The following CAPZB variants were observed in gnomAD, a reference collection of about 807,000 sequenced individuals.
CAPZB encodes F-actin-capping protein subunit beta.
In CAPZB, 2 loss-of-function variants were observed where a neutral mutation model predicts 38.1. That is an observed-to-expected ratio of 0.05 (90% CI 0.02 to 0.17). CAPZB has a LOEUF of 0.17. Ranked by LOEUF, CAPZB falls within the 10% of genes least tolerant of loss-of-function variation. The pLI is 1.00. For missense variants in CAPZB, 161 were observed against 334.2 expected (o/e 0.48, Z 4.04); for synonymous variants, 107 against 127.4 (o/e 0.84, Z 1.08).
At chr1:19,413,933 T>G (rs2094368197) in intron 2 of CAPZB, among the ~76,000 whole-genome samples, 1 of 152,196 alleles carries the variant, frequency 6.6e-6, no homozygotes, top group Non-Finnish European at 1.5e-5. Context: ...CTTTGACTAT[T>G]AAAGACTGAA....
At chr1:19,380,370 G>A (rs2094167598) in intron 3 of CAPZB, among the ~76,000 whole-genome samples, 1 of 152,214 alleles carries the variant, frequency 6.6e-6, no homozygotes, top group Non-Finnish European at 1.5e-5. Context: ...AGAATGGGGT[G>A]AGACACCCCC....
chr1:19,401,389 G>A (rs913289724), intron 2 of CAPZB, among the ~76,000 whole-genome samples: 5 of 152,170 alleles, frequency 3.3e-5, no homozygotes, highest in African/African-American at 1.2e-4. Flanking sequence ...AAAGCCCAGG[G>A]AGCATCAGCA....
chr1:19,483,888 G>GT (rs2094640101), intron 1 of CAPZB, among the ~76,000 whole-genome samples: 1 of 152,156 alleles, frequency 6.6e-6, no homozygotes, highest in African/African-American at 2.4e-5. Context: ...ACTCACCCTC[G>GT]TTCAGCAGCA....
chr1:19,377,005 C>A lies in CAPZB; in HGVS notation c.329+1535G>T, dbSNP rs2094147905. Among the ~76,000 whole-genome samples, 4 of 152,328 alleles carry A rather than the reference C, an allele frequency of 2.6e-5. No individual in the cohort carries two copies. In the South Asian group the frequency reaches 8.3e-4, roughly 32 times the overall value. On this transcript the variant is annotated intron_variant, in intron 4 of 8. Transcript: ENST00000264202. Reference sequence around the variant, plus strand: ...TGAAGACCGAATGAGACAGAGAATACCTGGAGGCCCACTTGCATGGCCACT... The same window carrying A: ...TGAAGACCGAATGAGACAGAGAATAACTGGAGGCCCACTTGCATGGCCACT...
At chr1:19,370,639 C>T (rs2094115001) in intron 4 of CAPZB, among the ~76,000 whole-genome samples, 2 of 152,178 alleles carry the variant, frequency 1.3e-5, no homozygotes, top group Admixed American at 6.5e-5. Context: ...TGTTTGCACA[C>T]AGTTCAGACG....
chr1:19,439,571 G>A (rs560193424), intron 1 of CAPZB, among the ~76,000 whole-genome samples: 1 of 152,322 alleles, frequency 6.6e-6, no homozygotes, highest in African/African-American at 2.4e-5. Context: ...TGGCAGCTCT[G>A]CCTTACACTG....
intron 1 of CAPZB, among the ~76,000 whole-genome samples, chr1:19,428,898 C>T (rs1262807929): frequency 6.6e-6 from 1 of 152,168 alleles, no homozygotes; most frequent in Non-Finnish European, 1.5e-5. Context: ...ACTACACCAT[C>T]CTCCTACATT....
intron 7 of CAPZB, 106 bp from the exon 8 acceptor site, chr1:19,344,540 G>T: frequency 1.2e-6 from 1 of 862,140 alleles, no homozygotes. Context: ...CCACTGGAGG[G>T]TGGCACACGC....
At chr1:19,373,632 G>A (rs1051310701) in intron 4 of CAPZB, among the ~76,000 whole-genome samples, 2 of 151,974 alleles carry the variant, frequency 1.3e-5, no homozygotes, top group African/African-American at 4.8e-5. Context: ...TAGGTCTCTG[G>A]ACCCTCAAGC....
chr1:19,446,837 AGATT>A (rs1433911840), intron 1 of CAPZB, among the ~76,000 whole-genome samples: 10 of 152,202 alleles, frequency 6.6e-5, no homozygotes, highest in African/African-American at 1.7e-4. Context: ...TTAGGTGGAA[AGATT>A]GATTTTTTCC....
chr1:19,406,735 A>C (rs1199825930), intron 2 of CAPZB, among the ~76,000 whole-genome samples: 1 of 152,226 alleles, frequency 6.6e-6, no homozygotes, highest in Non-Finnish European at 1.5e-5. Flanking sequence ...TGTGCAGTTT[A>C]AATAAGCAAA....
At chr1:19,344,695 A>G (rs557235999) in intron 7 of CAPZB, among the ~76,000 whole-genome samples, 240 of 152,318 alleles carry the variant, frequency 1.6e-3, no homozygotes, top group Non-Finnish European at 2.4e-3. Flanking sequence ...CATGCCTGGG[A>G]GCTGCTCTAA....
chr1:19,344,454 G>C lies in CAPZB; in HGVS notation c.655-20C>G. On this transcript the variant is annotated intron_variant, in intron 7 of 8. Transcript: ENST00000264202. ...CATGTCCTGGAAGGGAGGTCGGTCAGCGCAGTGGCAAAAGGTCAGGAACCC... is the reference window on the plus strand; with the variant it reads ...CATGTCCTGGAAGGGAGGTCGGTCACCGCAGTGGCAAAAGGTCAGGAACCC... 6.2e-7 allele frequency: 1 copy of C among 1,604,712 alleles called. No homozygotes were observed. Among genetic ancestry groups the C allele is most frequent in the Non-Finnish European group, 8.5e-7 (1 of 1,171,404 alleles).
intron 1 of CAPZB, among the ~76,000 whole-genome samples, chr1:19,460,574 CTTTTTTT>C (rs35288971): frequency 4.4e-5 from 4 of 90,972 alleles, no homozygotes; most frequent in Admixed American, 3.0e-4. Context: ...TGTGCCCAGG[CTTTTTTT>C]TTTTTTTTTT....
chr1:19,469,867 C>CG (rs1269772609), intron 1 of CAPZB, among the ~76,000 whole-genome samples: 1 of 151,944 alleles, frequency 6.6e-6, no homozygotes, highest in Non-Finnish European at 1.5e-5. Context: ...GCACCCAGGT[C>CG]GGGGGGTATT....
Position 19,370,867 on chromosome 1 carries a change from C to T in CAPZB, c.329+7673G>A, listed in dbSNP as rs115119617. Among the ~76,000 whole-genome samples, 349 of 152,334 alleles carry T rather than the reference C, an allele frequency of 2.3e-3. 2 individuals are homozygous for T. The highest frequency in any genetic ancestry group is 8.3e-3 in the African/African-American group (344 of 41,566). On this transcript the variant is annotated intron_variant, in intron 4 of 8. Transcript: ENST00000264202. ...ATCCACACCCTTTGCTCTTCCCCAC[C>T]GCAGGACCCAGCTCTCATTCCTTTG...
chr1:19,459,871 A>G (rs2094545086), intron 1 of CAPZB, among the ~76,000 whole-genome samples: 1 of 152,068 alleles, frequency 6.6e-6, no homozygotes, highest in Non-Finnish European at 1.5e-5. Flanking sequence ...TCCACTGTCT[A>G]CACCGCCCAC....
At chr1:19,478,347 CCTA>C (rs1366975523) in intron 1 of CAPZB, among the ~76,000 whole-genome samples, 1 of 152,192 alleles carries the variant, frequency 6.6e-6, no homozygotes, top group Non-Finnish European at 1.5e-5. Flanking sequence ...AGATAACACT[CCTA>C]CTGCACTTAC....
chr1:19,344,098 C>T (rs1433236702), intron 8 of CAPZB, among the ~76,000 whole-genome samples: 1 of 152,166 alleles, frequency 6.6e-6, no homozygotes, highest in African/African-American at 2.4e-5. Flanking sequence ...GCTCCGGGGG[C>T]AAGGGCACCA....
Sources: allele counts gnomAD v4.1 joint callset (sites outside exome capture counted in the v4.1 genomes callset), GRCh38; gene constraint gnomAD v4.1.1; transcripts MANE v1.5; gene names NCBI Gene and HGNC (gene_info 2026-07-23, HGNC 2026-07-21).